The following ENTREP2 variants were observed in gnomAD, a reference collection of about 807,000 sequenced individuals.
The protein encoded by ENTREP2 is protein ENTREP2.
At chr15:29,243,409 G>C in the ENTREP2 span, among the ~76,000 whole-genome samples, 1 of 152,106 alleles carries the variant, frequency 6.6e-6, no homozygotes, top group African/African-American at 2.4e-5. Context: ...CGATGATTAG[G>C]TTAAAGAGAA....
the ENTREP2 span, among the ~76,000 whole-genome samples, chr15:29,620,600 T>G: frequency 1.3e-5 from 2 of 152,002 alleles, no homozygotes; most frequent in Non-Finnish European, 2.9e-5. Flanking sequence ...ATCACACCAC[T>G]GCACTCCAGC....
chr15:29,117,861 C>T, the ENTREP2 span: 3 of 152,118 alleles, frequency 2.0e-5, no homozygotes, highest in Admixed American at 6.5e-5. Context: ...CACCCGGCTG[C>T]ATACCCGGGC....
the ENTREP2 span, among the ~76,000 whole-genome samples, chr15:29,206,094 T>C: frequency 6.6e-6 from 1 of 152,166 alleles, no homozygotes; most frequent in African/African-American, 2.4e-5. Context: ...TATTAACAAA[T>C]ACCACAGACG....
chr15:29,463,233 GA>G, the ENTREP2 span, among the ~76,000 whole-genome samples: 2 of 152,160 alleles, frequency 1.3e-5, no homozygotes, highest in African/African-American at 4.8e-5. Context: ...CCAGGGGTTG[GA>G]AAGAAGGCTT....
At chr15:29,382,987 C>T in the ENTREP2 span, among the ~76,000 whole-genome samples, 1 of 152,138 alleles carries the variant, frequency 6.6e-6, no homozygotes, top group Non-Finnish European at 1.5e-5. Context: ...GCTCCTGTGG[C>T]TTCTCACTCC....
chr15:29,197,432 C>T, the ENTREP2 span, among the ~76,000 whole-genome samples: 4 of 151,992 alleles, frequency 2.6e-5, no homozygotes, highest in South Asian at 2.1e-4. Context: ...CTCAAAAATA[C>T]GTAAATAAAA....
the ENTREP2 span, among the ~76,000 whole-genome samples, chr15:29,351,364 C>T: frequency 6.6e-6 from 1 of 152,118 alleles, no homozygotes; most frequent in Non-Finnish European, 1.5e-5. Context: ...TTATGCAGCA[C>T]AAAACTGTAT....
At chr15:29,554,212 G>A in the ENTREP2 span, among the ~76,000 whole-genome samples, 1 of 151,988 alleles carries the variant, frequency 6.6e-6, no homozygotes, top group Non-Finnish European at 1.5e-5. Flanking sequence ...TACTCAGGAG[G>A]CTGAGGCAAG....
chr15:29,573,646 C>CTCTCTCTCTCCCCCT, the ENTREP2 span, among the ~76,000 whole-genome samples: 1 of 151,028 alleles, frequency 6.6e-6, no homozygotes, highest in Admixed American at 6.6e-5. Context: ...TCTCTCCCCC[C>CTCTCTCTCTCCCCCT]CTCTCTCTCT....
the ENTREP2 span, among the ~76,000 whole-genome samples, chr15:29,380,875 TTC>T: frequency 1.3e-5 from 2 of 148,904 alleles, no homozygotes; most frequent in Admixed American, 6.7e-5. Context: ...TTGAGATGGA[TTC>T]TCTCTCTGCA....
At chr15:29,394,219 C>T in the ENTREP2 span, among the ~76,000 whole-genome samples, 1 of 152,102 alleles carries the variant, frequency 6.6e-6, no homozygotes, top group South Asian at 2.1e-4. Context: ...TCTCTATATT[C>T]ATAAATTAAT....
At chr15:29,129,642 C>T in the ENTREP2 span, among the ~76,000 whole-genome samples, 8,117 of 152,244 alleles carry the variant, frequency 0.053, 308 homozygotes, top group Middle Eastern at 0.082. Context: ...GCTACCACGC[C>T]CTGCTTTTTT....
the ENTREP2 span, among the ~76,000 whole-genome samples, chr15:29,536,714 T>G: frequency 6.6e-6 from 1 of 151,620 alleles, no homozygotes; most frequent in Non-Finnish European, 1.5e-5. Flanking sequence ...TAAGATGAGG[T>G]CATTGGGTGG....
chr15:29,517,076 C>G, the ENTREP2 span, among the ~76,000 whole-genome samples: 2 of 151,288 alleles, frequency 1.3e-5, no homozygotes, highest in Non-Finnish European at 1.5e-5. Context: ...GGCAGCAGCT[C>G]AGGAGGAGGA....
the ENTREP2 span, among the ~76,000 whole-genome samples, chr15:29,226,220 ACT>A: frequency 6.6e-6 from 1 of 152,156 alleles, no homozygotes; most frequent in African/African-American, 2.4e-5. Context: ...CTATGGAACC[ACT>A]GTTACCTTAA....
the ENTREP2 span, among the ~76,000 whole-genome samples, chr15:29,560,534 G>A: frequency 6.6e-6 from 1 of 152,016 alleles, no homozygotes; most frequent in African/African-American, 2.4e-5. Context: ...CCACTGCCAG[G>A]GTGTCCCTTG....
chr15:29,139,638 G>A, the ENTREP2 span, among the ~76,000 whole-genome samples: 9 of 152,200 alleles, frequency 5.9e-5, no homozygotes, highest in African/African-American at 9.6e-5. Flanking sequence ...CTCTCCGCAG[G>A]TGCAAGTGAG....
chr15:29,129,002 C>T, the ENTREP2 span: 17 of 612,350 alleles, frequency 2.8e-5, no homozygotes, highest in East Asian at 4.7e-4. Flanking sequence ...CACTCTTCTC[C>T]CCTACATTTA....
the ENTREP2 span, among the ~76,000 whole-genome samples, chr15:29,262,441 T>G: frequency 6.6e-6 from 1 of 152,212 alleles, no homozygotes; most frequent in Non-Finnish European, 1.5e-5. Flanking sequence ...TTAGCTCGTG[T>G]GCGTTTTTGT....
Sources: allele counts gnomAD v4.1 joint callset (sites outside exome capture counted in the v4.1 genomes callset), GRCh38; gene constraint gnomAD v4.1.1; transcripts MANE v1.5; gene names NCBI Gene and HGNC (gene_info 2026-07-23, HGNC 2026-07-21).